ATP2B1: variants seen among roughly 807,000 people sequenced by gnomAD.
The protein encoded by ATP2B1 is plasma membrane calcium-transporting ATPase 1.
In ATP2B1, 14 loss-of-function variants were observed where a neutral mutation model predicts 124.2. The observed-to-expected ratio is 0.11, with a 90% CI of 0.07 to 0.18. The LOEUF is 0.18. ATP2B1 is among the 10% of genes least tolerant of loss of function. ATP2B1 has a pLI of 1.00. For missense variants in ATP2B1, 763 were observed against 1,466.1 expected (o/e 0.52, Z 7.83); for synonymous variants, 449 against 492.4 (o/e 0.91, Z 1.17).
At chr12:89,653,552 C>G (rs1467041588) in intron 2 of ATP2B1, among the ~76,000 whole-genome samples, 1 of 152,054 alleles carries the variant, frequency 6.6e-6, no homozygotes, top group East Asian at 1.9e-4. Context: ...CCGCCTCGGC[C>G]TCCCAAAGTG....
intron 5 of ATP2B1, among the ~76,000 whole-genome samples, chr12:89,632,355 T>G (rs1179237767): frequency 6.6e-6 from 1 of 152,198 alleles, no homozygotes; most frequent in African/African-American, 2.4e-5. Flanking sequence ...TCCAATATTG[T>G]TTTTTAGGCC....
chr12:89,624,250 A>C lies in ATP2B1; in HGVS notation c.1277T>G (p.Val426Gly). 6.2e-7 allele frequency: 1 copy of C among 1,614,162 alleles called. No homozygotes were observed. The highest frequency in any genetic ancestry group is 8.5e-7 in the Non-Finnish European group (1 of 1,180,024). ...FVKFFIIGVT[V>G]LVVAVPEGLP... ...ACCTTCTGGCACTGCGACCACTAAA[A>C]CTGTAACTCCAATAATGAAGAACTT... The change falls in exon 9 of 21, where the codon GTT becomes GGT. Residue 426 changes from valine to glycine, a missense_variant. Val to Gly is a moderately radical substitution (Grantham distance 109). Coordinates refer to ENST00000428670, the MANE Select transcript of ATP2B1 (RefSeq NM_001366521.1).
In ATP2B1 at chr12:89,591,233, T is replaced by C. The variant is rs1873499598; in HGVS notation, c.3414A>G (p.Arg1138=). ...GTGTCATAAAGTTGTGAATCGAACTTCTTGATTCCGGTTTTTCTAACCCTT... is the reference window on the plus strand; with the variant it reads ...GTGTCATAAAGTTGTGAATCGAACTCCTTGATTCCGGTTTTTCTAACCCTT... The part of the protein sequence containing the change: ...LYEGLEKPES[R]SSIHNFMTHP... The change falls in exon 21 of 21, where the codon AGA becomes AGG. Residue 1138 remains arginine, a synonymous_variant. Transcript: ENST00000428670. The C allele has an allele frequency of 1.2e-6, 2 of 1,612,880 alleles. No homozygotes were observed. Among genetic ancestry groups the C allele is most frequent in the Admixed American group, 1.7e-5 (1 of 59,888 alleles).
chr12:89,701,396 T>C (rs11105379), intron 1 of ATP2B1, among the ~76,000 whole-genome samples: 18,604 of 152,234 alleles, frequency 0.12, 1,501 homozygotes, highest in South Asian at 0.31. Context: ...AGATAAGATA[T>C]AGGGTTCTAT....
At chr12:89,693,097 G>C (rs966246181) in intron 1 of ATP2B1, among the ~76,000 whole-genome samples, 7 of 152,088 alleles carry the variant, frequency 4.6e-5, no homozygotes, top group African/African-American at 1.7e-4. Context: ...TGTTATTTCA[G>C]AATTAAGTAA....
At chr12:89,622,097 C>T (rs183431131) in intron 9 of ATP2B1, among the ~76,000 whole-genome samples, 13 of 152,066 alleles carry the variant, frequency 8.5e-5, no homozygotes, top group Middle Eastern at 3.4e-3. Flanking sequence ...ATGTCTCCAA[C>T]GGTTTTTGCA....
intron 11 of ATP2B1, among the ~76,000 whole-genome samples, chr12:89,617,545 TGA>T (rs1386897591): frequency 6.6e-6 from 1 of 152,242 alleles, no homozygotes; most frequent in Non-Finnish European, 1.5e-5. Context: ...TCTATCAGAA[TGA>T]GAGTTAATGC....
At chr12:89,656,801 G>A (rs1036916350) in intron 1 of ATP2B1, among the ~76,000 whole-genome samples, 1 of 151,998 alleles carries the variant, frequency 6.6e-6, no homozygotes, top group Admixed American at 6.6e-5. Context: ...CTCTTTTGTT[G>A]TCCTTGCCCA....
At chr12:89,703,692 A>C (rs1892121287) in intron 1 of ATP2B1, among the ~76,000 whole-genome samples, 1 of 152,172 alleles carries the variant, frequency 6.6e-6, no homozygotes, top group Admixed American at 6.5e-5. Context: ...TAAGTAACTT[A>C]AGTAACCACA....
intron 12 of ATP2B1, among the ~76,000 whole-genome samples, chr12:89,613,696 A>G (rs766557797): frequency 1.2e-4 from 18 of 152,200 alleles, no homozygotes; most frequent in Non-Finnish European, 2.2e-4. Context: ...ACAATGAGTA[A>G]AAGGGAGAAA....
At chr12:89,668,885 A>G (rs17782841) in intron 1 of ATP2B1, among the ~76,000 whole-genome samples, 32,694 of 152,146 alleles carry the variant, frequency 0.21, 4,399 homozygotes, top group Non-Finnish European at 0.29. Flanking sequence ...TCCTACTGTC[A>G]TACTAAAGAG....
intron 1 of ATP2B1, among the ~76,000 whole-genome samples, chr12:89,706,215 T>C (rs1256895592): frequency 2.0e-5 from 3 of 152,178 alleles, no homozygotes; most frequent in African/African-American, 7.2e-5. Flanking sequence ...TATTAAACTT[T>C]GAATATAAGT....
At chr12:89,651,893 T>C (rs529275790) in intron 2 of ATP2B1, among the ~76,000 whole-genome samples, 1 of 152,302 alleles carries the variant, frequency 6.6e-6, no homozygotes, top group African/African-American at 2.4e-5. Flanking sequence ...TGTTAAAATA[T>C]TAACTTATTT....
intron 1 of ATP2B1, among the ~76,000 whole-genome samples, chr12:89,684,230 G>T (rs1889700895): frequency 6.6e-6 from 1 of 152,182 alleles, no homozygotes; most frequent in Non-Finnish European, 1.5e-5. Flanking sequence ...GAAAAGGAAA[G>T]GACTGACTGT....
At chr12:89,618,506 C>T (rs1879398766) in intron 11 of ATP2B1, among the ~76,000 whole-genome samples, 1 of 152,198 alleles carries the variant, frequency 6.6e-6, no homozygotes, top group Admixed American at 6.5e-5. Flanking sequence ...TATCTACTAC[C>T]CAGCAAGCCA....
chr12:89,616,160 G>C (rs967115135), intron 12 of ATP2B1, among the ~76,000 whole-genome samples: 1 of 152,030 alleles, frequency 6.6e-6, no homozygotes, highest in African/African-American at 2.4e-5. Context: ...CCGGTGATCA[G>C]ATCTCAAAAC....
At chr12:89,624,937 T>C (rs1880590160) in intron 8 of ATP2B1, among the ~76,000 whole-genome samples, 1 of 152,236 alleles carries the variant, frequency 6.6e-6, no homozygotes, top group South Asian at 2.1e-4. Flanking sequence ...GTTAACCATG[T>C]ATCTTGTGGG....
At chr12:89,648,020 T>C (rs1188812235) in intron 2 of ATP2B1, among the ~76,000 whole-genome samples, 5 of 152,172 alleles carry the variant, frequency 3.3e-5, no homozygotes, top group African/African-American at 9.7e-5. Flanking sequence ...GCCCGCAGAA[T>C]TGTGAGCCCA....
In ATP2B1 at chr12:89,590,920, G is replaced by A; in HGVS notation, c.*64C>T. 6.8e-7 allele frequency: 1 copy of A among 1,481,204 alleles called. No homozygotes were observed. The highest frequency in any genetic ancestry group is 9.3e-7 in the Non-Finnish European group (1 of 1,080,796). 91.8% of individuals were successfully genotyped at this position (1,481,204 alleles called of 1,614,324 possible). A position where few individuals can be genotyped will look rare whatever the true frequency, so the allele number is the denominator to read the frequency against. ...TACTAGCTTGTCCATCACAATATGT[G>A]AAAAGACCCAGTTTCAATTTGTTTC... On this transcript the variant is annotated 3_prime_UTR_variant, in exon 21 of 21. Transcript: ENST00000428670.
Sources: allele counts gnomAD v4.1 joint callset (sites outside exome capture counted in the v4.1 genomes callset), GRCh38; gene constraint gnomAD v4.1.1; transcripts MANE v1.5; gene names NCBI Gene and HGNC (gene_info 2026-07-23, HGNC 2026-07-21).